The following PCDH15 variants were observed in gnomAD, a reference collection of about 807,000 sequenced individuals.
PCDH15 encodes the protein protocadherin related 15.
Under a neutral mutation model 178.5 loss-of-function variants are expected in PCDH15, and 129 were observed. The ratio of observed to expected loss-of-function variants is 0.72; its 90% CI spans 0.63 to 0.84. The LOEUF (loss-of-function observed/expected upper bound fraction) is 0.84. Among genes scored for constraint, PCDH15 ranks in the 40% least tolerant of loss-of-function variants. PCDH15 has a pLI of 0.00. For synonymous variants in PCDH15, 800 were observed against 732.0 expected, an observed-to-expected ratio of 1.09 and a Z score of -1.50; for missense variants, 2,230 against 2,099.9, an observed-to-expected ratio of 1.06 and a Z score of -1.21.
rs1566146440 is a variant in PCDH15 at position 54,757,278 on chromosome 10, T to TC, written c.-29+43646_-29+43647insG. On this transcript the variant is annotated intron_variant, in intron 1 of 37. Transcript: ENST00000644397. ...TTTTGGCTTGCTCAGAATTCTACCT[T>TC]TTTTTTTTTTTTTTTTTTTTTTGAG... Among the ~76,000 whole-genome samples, 35 of 55,816 alleles carry TC rather than the reference T, an allele frequency of 6.3e-4. 3 individuals carry two copies. The highest frequency in any genetic ancestry group is 7.6e-4 in the Non-Finnish European group (20 of 26,452). 36.6% of individuals were successfully genotyped at this position (55,816 alleles called of 152,430 possible).
intron 2 of PCDH15, among the ~76,000 whole-genome samples, chr10:55,100,974 A>G (rs1285930905): frequency 6.6e-6 from 1 of 152,172 alleles, no homozygotes; most frequent in Non-Finnish European, 1.5e-5. Context: ...TATTGTGTAT[A>G]CTTTTCCTAA....
intron 7 of PCDH15, among the ~76,000 whole-genome samples, chr10:54,324,207 A>G (rs2061791195): frequency 6.6e-6 from 1 of 152,128 alleles, no homozygotes; most frequent in Non-Finnish European, 1.5e-5. Context: ...TACAAGGTTG[A>G]AATATAAAAT....
intron 1 of PCDH15, among the ~76,000 whole-genome samples, chr10:54,690,310 CTTTT>C (rs71014404): frequency 2.4e-5 from 3 of 126,136 alleles, no homozygotes; most frequent in Admixed American, 8.5e-5. Flanking sequence ...ACAAGACTAC[CTTTT>C]TTTTTTTTTT....
chr10:54,431,069 A>T (rs1589375025), intron 3 of PCDH15, among the ~76,000 whole-genome samples: 4 of 151,676 alleles, frequency 2.6e-5, no homozygotes, highest in African/African-American at 7.3e-5. Context: ...AAGAAGAAAT[A>T]AAAAAACTGA....
intron 21 of PCDH15, among the ~76,000 whole-genome samples, chr10:53,975,090 A>G (rs1045114569): frequency 2.0e-5 from 3 of 152,162 alleles, no homozygotes; most frequent in African/African-American, 7.2e-5. Flanking sequence ...AGCTGCATCA[A>G]TATTGCTGCA....
intron 2 of PCDH15, among the ~76,000 whole-genome samples, chr10:55,389,501 T>G (rs921970484): frequency 6.6e-5 from 10 of 152,108 alleles, no homozygotes; most frequent in African/African-American, 2.4e-4. Context: ...AAATATAAAA[T>G]GAAAATGAAA....
chr10:55,046,625 G>A (rs1056473995), intron 2 of PCDH15, among the ~76,000 whole-genome samples: 10 of 151,988 alleles, frequency 6.6e-5, no homozygotes, highest in Admixed American at 6.6e-4. Context: ...TGCAAGCTCA[G>A]CAACATTTCA....
intron 3 of PCDH15, among the ~76,000 whole-genome samples, chr10:54,383,664 T>TGTGTG (rs71007843): frequency 2.7e-4 from 40 of 150,054 alleles, no homozygotes; most frequent in Non-Finnish European, 4.3e-4. Context: ...TGTGTGTGTG[T>TGTGTG]TTCAACATAA....
chr10:54,289,343 G>A (rs1427360704), intron 8 of PCDH15, among the ~76,000 whole-genome samples: 1 of 152,206 alleles, frequency 6.6e-6, no homozygotes. Context: ...GAAAGGAATA[G>A]CATCAACATC....
chr10:55,030,712 T>C (rs1039778960), intron 2 of PCDH15, among the ~76,000 whole-genome samples: 8 of 152,148 alleles, frequency 5.3e-5, no homozygotes, highest in Non-Finnish European at 7.4e-5. Flanking sequence ...TCACAAATTG[T>C]CATAGGCAGC....
At chr10:54,883,508 C>T (rs967897986) in intron 3 of PCDH15, among the ~76,000 whole-genome samples, 11 of 151,954 alleles carry the variant, frequency 7.2e-5, no homozygotes, top group Admixed American at 1.3e-4. Context: ...ATAATATCTC[C>T]AATTCAAGCT....
At chr10:54,631,579 C>T (rs2093701088) in intron 2 of PCDH15, among the ~76,000 whole-genome samples, 2 of 152,016 alleles carry the variant, frequency 1.3e-5, no homozygotes, top group African/African-American at 4.8e-5. Flanking sequence ...ATAAATCATC[C>T]TACAAAAAAG....
intron 4 of PCDH15, among the ~76,000 whole-genome samples, chr10:54,375,878 G>T (rs1018098276): frequency 4.0e-5 from 4 of 100,586 alleles, no homozygotes; most frequent in Admixed American, 9.0e-5. Flanking sequence ...TTTTTGAAAC[G>T]GAATATATAT....
At chr10:55,155,524 ATAAT>A (rs1290235623) in intron 2 of PCDH15, among the ~76,000 whole-genome samples, 15 of 151,428 alleles carry the variant, frequency 9.9e-5, no homozygotes, top group African/African-American at 3.4e-4. Context: ...TAAATTATAA[ATAAT>A]TAATAAAAAT....
At chr10:55,255,240 A>G (rs186563307) in intron 1 of PCDH15, among the ~76,000 whole-genome samples, 1,158 of 7,106 alleles carry the variant, frequency 0.16, 10 homozygotes, top group African/African-American at 0.2. Context: ...GCTGAGAATG[A>G]TGATTTCCAG....
intron 3 of PCDH15, among the ~76,000 whole-genome samples, chr10:54,434,213 T>C (rs11004301): frequency 0.14 from 21,889 of 151,938 alleles, 1,675 homozygotes; most frequent in Middle Eastern, 0.24. Flanking sequence ...GTTTATTAAG[T>C]AAAGATACAG....
In PCDH15 at chr10:54,153,159, G is replaced by T. The variant is rs748995667; in HGVS notation, c.1725C>A (p.Val575=). 6 of 1,613,738 alleles carry T rather than the reference G, an allele frequency of 3.7e-6. No individual in the cohort carries two copies. The African/African-American group carries it at 8.0e-5, about 22-fold the overall frequency. Residue 575 remains valine, a synonymous_variant, in exon 14 of 38, where the codon GTC becomes GTA. Coordinates refer to ENST00000644397, the MANE Select transcript of PCDH15 (RefSeq NM_001384140.1). The part of the protein sequence containing the change: ...ITIAPGVEMI[V]GRTYALTVQA... ...GGACCGTGAGTGCGTAAGTCCGCCC[G>T]ACTATCATTTCCACCCCTGGAGCGA...
chr10:53,857,569 A>ATT (rs11462600), intron 27 of PCDH15, among the ~76,000 whole-genome samples: 40 of 150,968 alleles, frequency 2.6e-4, no homozygotes, highest in East Asian at 1.4e-3. Flanking sequence ...GAAGGGTGGC[A>ATT]TTTTTTTTTA....
At chr10:54,539,856 T>C (rs1345461450) in intron 2 of PCDH15, among the ~76,000 whole-genome samples, 1 of 152,080 alleles carries the variant, frequency 6.6e-6, no homozygotes, top group African/African-American at 2.4e-5. Flanking sequence ...CAAGAATATC[T>C]CTCAAAAACA....
Sources: allele counts gnomAD v4.1 joint callset (sites outside exome capture counted in the v4.1 genomes callset), GRCh38; gene constraint gnomAD v4.1.1; transcripts MANE v1.5; gene names NCBI Gene and HGNC (gene_info 2026-07-23, HGNC 2026-07-21).